Variants in ENTPD5 observed in about 807,000 individuals in gnomAD.
ENTPD5 encodes the protein nucleoside diphosphate phosphatase ENTPD5.
A neutral mutation model predicts 60.2 loss-of-function variants in ENTPD5; 49 were observed. The ratio of observed to expected loss-of-function variants is 0.81; its 90% CI spans 0.65 to 1.03. ENTPD5 has a LOEUF of 1.03. ENTPD5 is among the 50% of genes least tolerant of loss of function. The probability of loss-of-function intolerance (pLI) is 0.00; values close to 1 mark genes in which losing one functional copy is unlikely to be tolerated. For synonymous variants in ENTPD5, 187 were observed against 185.4 expected (o/e 1.01, Z -0.07); for missense variants, 480 against 507.6 (o/e 0.95, Z 0.52).
chr14:73,964,761 G>A lies in ENTPD5; in HGVS notation c.*2167C>T, dbSNP rs2140441533. ...TCATGTCACTTATAAAAGAACTTGG[G>A]AGGAACTTTTTTCAAAAGATCCAAA... On this transcript the variant is annotated 3_prime_UTR_variant, in exon 16 of 16. Transcript: ENST00000334696. The A allele has an allele frequency of 6.6e-6, 1 of 152,256 alleles. No homozygotes were observed. Among genetic ancestry groups the A allele is most frequent in the East Asian group, 1.9e-4 (1 of 5,192 alleles). 9.4% of individuals were successfully genotyped at this position (152,256 alleles called of 1,614,324 possible). A position where few individuals can be genotyped will look rare whatever the true frequency, so the allele number is the denominator to read the frequency against.
chr14:73,988,005 A>G lies in ENTPD5; in HGVS notation c.98T>C (p.Ile33Thr). The G allele has an allele frequency of 6.2e-7, 1 of 1,614,210 alleles. No individual in the cohort carries two copies. The highest frequency in any genetic ancestry group is 1.1e-5 in the South Asian group (1 of 91,074). Residue 33 changes from isoleucine to threonine, a missense_variant, in exon 4 of 16, where the codon ATC becomes ACC. Ile to Thr is a moderately conservative substitution (Grantham distance 89). Transcript: ENST00000334696. Reference protein sequence around the residue: ...HRNQQTWFEGIFLSSMCPINV... With the variant: ...HRNQQTWFEGTFLSSMCPINV... ...GATGGGGCACATGGAAGACAGGAAGATACCCTCAAACCAAGTCTGCTGGTT... is the reference window on the plus strand; with the variant it reads ...GATGGGGCACATGGAAGACAGGAAGGTACCCTCAAACCAAGTCTGCTGGTT...
chr14:73,999,056 T>C (rs1430705185), intron 3 of ENTPD5, among the ~76,000 whole-genome samples: 1 of 152,170 alleles, frequency 6.6e-6, no homozygotes, highest in African/African-American at 2.4e-5. Flanking sequence ...ATTCTACTAA[T>C]GCTTACTGAT....
downstream of ENTPD5, chr14:73,956,777 A>G (rs149128658): frequency 1.1e-3 from 164 of 152,320 alleles, 1 homozygote; most frequent in African/African-American, 3.9e-3. Context: ...CGGCTTGCAA[A>G]TATCTTAATG....
chr14:73,959,581 G>T (rs995384109), downstream of ENTPD5: 180 of 1,405,218 alleles, frequency 1.3e-4, no homozygotes, highest in Admixed American at 5.1e-4. Context: ...GAAAGGTGTT[G>T]TTTTTTTTTT....
At chr14:74,012,362 C>A (rs547380230) in intron 2 of ENTPD5, among the ~76,000 whole-genome samples, 2 of 152,268 alleles carry the variant, frequency 1.3e-5, no homozygotes, top group South Asian at 4.1e-4. Context: ...CAGACTTCGC[C>A]TCCTAAAGTG....
At chr14:73,987,025 A>C in intron 4 of ENTPD5, 132 bp from the exon 5 acceptor site, 1 of 753,592 alleles carries the variant, frequency 1.3e-6, no homozygotes, top group South Asian at 1.4e-5. Flanking sequence ...CCTAGTTGTG[A>C]GGAATGTCTT....
chr14:74,017,164 C>G (rs1281627892), intron 1 of ENTPD5, among the ~76,000 whole-genome samples: 2 of 152,110 alleles, frequency 1.3e-5, no homozygotes. Context: ...ACTAAAATTA[C>G]AAAAGTAGCC....
At chr14:73,955,890 T>C, downstream of ENTPD5, 1 of 1,614,122 alleles carries the variant, frequency 6.2e-7, no homozygotes, top group South Asian at 1.1e-5. Flanking sequence ...AATGATGTCA[T>C]CATGCATGCT....
intron 6 of ENTPD5, 89 bp downstream of exon 6, chr14:73,982,929 A>G: frequency 7.6e-7 from 1 of 1,320,936 alleles, no homozygotes; most frequent in East Asian, 2.3e-5. Flanking sequence ...TACTGAAGGT[A>G]GTGGTCACAT....
chr14:73,980,606 G>A (rs1425117659), intron 6 of ENTPD5, among the ~76,000 whole-genome samples: 1 of 151,912 alleles, frequency 6.6e-6, no homozygotes, highest in African/African-American at 2.4e-5. Context: ...TTGTTGTCTG[G>A]ACTGGTCTCA....
chr14:74,007,693 T>C (rs117818304), intron 3 of ENTPD5: 9,595 of 151,870 alleles, frequency 0.063, 509 homozygotes, highest in South Asian at 0.26. Flanking sequence ...TGGTGACACA[T>C]ACCTGTAGTC....
chr14:73,974,858 G>T, intron 11 of ENTPD5, 66 bp downstream of exon 11: 1 of 1,298,502 alleles, frequency 7.7e-7, no homozygotes, highest in Non-Finnish European at 1.1e-6. Flanking sequence ...TCAAGGAAGG[G>T]AAGAAGCAAG....
intron 10 of ENTPD5, 110 bp from the exon 11 acceptor site, chr14:73,975,095 C>G: frequency 1.2e-6 from 1 of 855,572 alleles, no homozygotes; most frequent in Middle Eastern, 2.8e-4. Flanking sequence ...AAGATGAAAA[C>G]CTTGTTCTGT....
chr14:73,977,405 ATTCCCTAAGGC>A, intron 6 of ENTPD5, 31 bp from the exon 7 acceptor site: 1 of 1,354,506 alleles, frequency 7.4e-7, no homozygotes, highest in Non-Finnish European at 1.0e-6. Flanking sequence ...AAAAAAAAGA[ATTCCCTAAGGC>A]AATAAAATAG....
intron 9 of ENTPD5, 150 bp from the exon 10 acceptor site, chr14:73,976,165 G>T (rs2057435546): frequency 1.2e-6 from 1 of 851,688 alleles, no homozygotes; most frequent in Non-Finnish European, 1.9e-6. Context: ...AAGGGATTCT[G>T]AACAGTGAGA....
chr14:73,977,471 C>A (rs2057494117), intron 6 of ENTPD5, 97 bp from the exon 7 acceptor site: 3 of 892,228 alleles, frequency 3.4e-6, no homozygotes, highest in Non-Finnish European at 3.3e-6. Context: ...GAAAACTACT[C>A]CATTTTTCCT....
chr14:74,004,867 C>A (rs1198615918), intron 3 of ENTPD5, among the ~76,000 whole-genome samples: 1 of 152,058 alleles, frequency 6.6e-6, no homozygotes, highest in Non-Finnish European at 1.5e-5. Context: ...TAAAAGGGGA[C>A]TACACAAAGG....
Position 73,971,855 on chromosome 14 carries a change from C to G in ENTPD5, c.1081G>C (p.Glu361Gln). 1 of 1,605,470 alleles carries G rather than the reference C, an allele frequency of 6.2e-7. No homozygotes were observed. The highest frequency in any genetic ancestry group is 1.7e-5 in the Admixed American group (1 of 60,012). Residue 361 changes from glutamate (E) to glutamine (Q), a missense_variant, in exon 14 of 16, where the codon GAA (glutamate) becomes CAA (glutamine). Coordinates refer to ENST00000334696, the MANE Select transcript of ENTPD5 (RefSeq NM_001249.5). ...AAGGGCTTCCCCTGACACTTACCTT[C>G]CCTGGCTTTTCTTTCAAAATCTTCA... ...KVEDFERKAR[E>Q]VCDNLENFTS...
intron 2 of ENTPD5, among the ~76,000 whole-genome samples, chr14:74,013,014 T>C (rs970328684): frequency 6.6e-6 from 1 of 152,178 alleles, no homozygotes; most frequent in Admixed American, 6.6e-5. Context: ...ACTTGTTCCA[T>C]ACAATAACCC....
Sources: allele counts gnomAD v4.1 joint callset (sites outside exome capture counted in the v4.1 genomes callset), GRCh38; gene constraint gnomAD v4.1.1; transcripts MANE v1.5; gene names NCBI Gene and HGNC (gene_info 2026-07-23, HGNC 2026-07-21).